Variants in FAM149A observed in about 807,000 individuals in gnomAD.
The protein encoded by FAM149A is protein FAM149A.
A neutral mutation model predicts 78.2 loss-of-function variants in FAM149A; 71 were observed. The ratio of observed to expected loss-of-function variants is 0.91; its 90% CI spans 0.75 to 1.11. The LOEUF is 1.11. Among genes scored for constraint, FAM149A ranks in the 50% least tolerant of loss-of-function variants. The pLI is 0.00. For synonymous variants in FAM149A, 446 were observed against 410.5 expected (o/e 1.09, Z -1.04); for missense variants, 1,036 against 971.0 (o/e 1.07, Z -0.89).
chr4:186,116,313 C>A (rs36103396), intron 1 of FAM149A: 110,638 of 260,854 alleles, frequency 0.42, 23,674 homozygotes, highest in East Asian at 0.51. Flanking sequence ...TAGTGAGATG[C>A]ACCCGGTACC....
chr4:186,153,598 C>A (rs1399552119), intron 4 of FAM149A, 47 bp from the exon 5 acceptor site: 1 of 1,590,382 alleles, frequency 6.3e-7, no homozygotes, highest in Non-Finnish European at 8.6e-7. Flanking sequence ...CAAACATTTT[C>A]CCTTTGTCTG....
At chr4:186,162,158 A>G (rs1034003802) in intron 8 of FAM149A, among the ~76,000 whole-genome samples, 6 of 152,302 alleles carry the variant, frequency 3.9e-5, no homozygotes, top group African/African-American at 7.2e-5. Context: ...TTTTTCCCCA[A>G]CATAAAGATG....
chr4:186,141,672 G>A (rs189694893), intron 1 of FAM149A, among the ~76,000 whole-genome samples: 1 of 152,296 alleles, frequency 6.6e-6, no homozygotes, highest in Non-Finnish European at 1.5e-5. Flanking sequence ...GACCATCACA[G>A]TCTCTCTGGG....
chr4:186,121,870 T>C (rs2099316208), intron 1 of FAM149A, among the ~76,000 whole-genome samples: 1 of 152,212 alleles, frequency 6.6e-6, no homozygotes, highest in Non-Finnish European at 1.5e-5. Context: ...GCTCTTGATA[T>C]AATCCTCATA....
At chr4:186,161,089 A>G (rs1734573114) in intron 8 of FAM149A, among the ~76,000 whole-genome samples, 1 of 152,100 alleles carries the variant, frequency 6.6e-6, no homozygotes, top group Non-Finnish European at 1.5e-5. Context: ...TTGTAATTAG[A>G]TTTTTGTGTA....
chr4:186,165,491 T>G, intron 11 of FAM149A, 27 bp downstream of exon 11: 1 of 1,613,036 alleles, frequency 6.2e-7, no homozygotes, highest in Non-Finnish European at 8.5e-7. Context: ...TCTATTTCAG[T>G]GGACCATTTA....
intron 7 of FAM149A, among the ~76,000 whole-genome samples, chr4:186,156,551 G>A (rs1322792038): frequency 6.6e-6 from 1 of 152,164 alleles, no homozygotes; most frequent in Non-Finnish European, 1.5e-5. Flanking sequence ...GTATGTGCCT[G>A]TAATCCCAGC....
chr4:186,165,232 T>A (rs1734936978), intron 10 of FAM149A, 112 bp from the exon 11 acceptor site: 2 of 1,176,602 alleles, frequency 1.7e-6, no homozygotes, highest in South Asian at 2.6e-5. Flanking sequence ...ATCAAAGACC[T>A]CCTGTGTGCC....
At chr4:186,168,341 G>A (rs1234606884) in intron 13 of FAM149A, among the ~76,000 whole-genome samples, 1 of 152,148 alleles carries the variant, frequency 6.6e-6, no homozygotes, top group East Asian at 1.9e-4. Context: ...TACATGGTCA[G>A]GTGTTGCTTT....
chr4:186,163,365 G>A (rs1018522993), intron 9 of FAM149A, 59 bp from the exon 10 acceptor site: 5 of 1,384,628 alleles, frequency 3.6e-6, no homozygotes, highest in Non-Finnish European at 4.1e-6. Context: ...GCACAGACAG[G>A]TGCGTTCCCT....
chr4:186,136,990 C>CTCTCTCTT (rs2099323451), intron 1 of FAM149A, among the ~76,000 whole-genome samples: 14 of 92,884 alleles, frequency 1.5e-4, no homozygotes, highest in African/African-American at 4.4e-4. Flanking sequence ...CTCTCTCTCT[C>CTCTCTCTT]TCTCTCTCTC....
intron 7 of FAM149A, 94 bp from the exon 8 acceptor site, chr4:186,157,471 T>A: frequency 7.6e-7 from 1 of 1,317,008 alleles, no homozygotes. Context: ...TCGTGGTAGC[T>A]CAAGCACACA....
Position 186,169,769 on chromosome 4 carries a change from C to T in FAM149A, c.2219-2145C>T, listed in dbSNP as rs541956708. On this transcript the variant is annotated intron_variant, in intron 13 of 13. Coordinates refer to ENST00000389354, the MANE Select transcript of FAM149A (RefSeq NM_001367768.3). ...GGCGTCCAGAGGAGTTACATTAACA[C>T]GTGCAATCACATATGGCCACTTAAC... The T allele has an allele frequency of 7.3e-5, 72 of 985,440 alleles. No individual in the cohort carries two copies. The African/African-American group carries it at 1.0e-3, about 14-fold the overall frequency. The allele number at this position is 985,440 out of a possible 1,614,324, so 61.0% of individuals were successfully genotyped here. A position where few individuals can be genotyped will look rare whatever the true frequency, so the allele number is the denominator to read the frequency against.
At chr4:186,170,058 G>A (rs1023506610) in intron 13 of FAM149A, 1 of 594,828 alleles carries the variant, frequency 1.7e-6, no homozygotes, top group South Asian at 7.3e-5. Context: ...CTCAGGATCA[G>A]GCTGGCTTTT....
intron 11 of FAM149A, 66 bp from the exon 12 acceptor site, chr4:186,166,902 A>G (rs1735076937): frequency 6.6e-7 from 1 of 1,516,530 alleles, no homozygotes; most frequent in East Asian, 2.3e-5. Context: ...GAGCATGTCG[A>G]GATTTTCTTT....
At chr4:186,167,391 GCCTGTGGCCTGA>G in intron 13 of FAM149A, 129 bp downstream of exon 13, 1 of 888,592 alleles carries the variant, frequency 1.1e-6, no homozygotes, top group Non-Finnish European at 1.9e-6. Flanking sequence ...AATGTTTGGG[GCCTGTGGCCTGA>G]CCTCAGAAAC....
chr4:186,130,268 T>TCTCTCC (rs1238719598), intron 1 of FAM149A: 45 of 29,200 alleles, frequency 1.5e-3, no homozygotes, highest in African/African-American at 8.0e-3. Context: ...ATGAAATCTC[T>TCTCTCC]CTCTCTCTCT....
At chr4:186,141,635 CAA>C (rs1348962651) in intron 1 of FAM149A, among the ~76,000 whole-genome samples, 1 of 152,146 alleles carries the variant, frequency 6.6e-6, no homozygotes, top group African/African-American at 2.4e-5. Context: ...ATATAGAAGT[CAA>C]GACTTGCTGG....
intron 13 of FAM149A, chr4:186,167,508 ACTC>A (rs1735153071): frequency 9.7e-6 from 3 of 310,490 alleles, no homozygotes; most frequent in African/African-American, 1.1e-4. Context: ...TGGGGGCCTC[ACTC>A]AAAAAAAAAA....
Sources: allele counts gnomAD v4.1 joint callset (sites outside exome capture counted in the v4.1 genomes callset), GRCh38; gene constraint gnomAD v4.1.1; transcripts MANE v1.5; gene names NCBI Gene and HGNC (gene_info 2026-07-23, HGNC 2026-07-21).